The following TRHDE variants were observed in gnomAD, a reference collection of about 807,000 sequenced individuals.
TRHDE encodes thyrotropin-releasing hormone-degrading ectoenzyme.
A neutral mutation model predicts 125.7 loss-of-function variants in TRHDE; 72 were observed. That is an observed-to-expected ratio of 0.57 (90% CI 0.47 to 0.70). TRHDE has a LOEUF of 0.70. TRHDE is among the 30% of genes least tolerant of loss of function. The pLI is 0.00. For synonymous variants in TRHDE, 509 were observed against 509.1 expected (o/e 1.00, Z 0.00); for missense variants, 1,110 against 1,327.1 (o/e 0.84, Z 2.54).
intron 2 of TRHDE, among the ~76,000 whole-genome samples, chr12:72,226,978 C>G (rs938212801): frequency 3.9e-5 from 6 of 152,098 alleles, no homozygotes; most frequent in South Asian, 2.1e-4. Flanking sequence ...AATAAAGCAC[C>G]CTTAGTTGCC....
At chr12:72,169,230 A>G (rs1450698026) in intron 2 of TRHDE, among the ~76,000 whole-genome samples, 1 of 152,136 alleles carries the variant, frequency 6.6e-6, no homozygotes, top group Non-Finnish European at 1.5e-5. Context: ...ACACAGAATA[A>G]TATGGGAAGC....
intron 3 of TRHDE, among the ~76,000 whole-genome samples, chr12:72,431,101 G>C (rs1303201495): frequency 1.3e-5 from 2 of 151,888 alleles, no homozygotes; most frequent in Non-Finnish European, 2.9e-5. Context: ...TTTGCATATT[G>C]AACTTATAGC....
At chr12:72,614,330 AT>A (rs1555202261) in intron 12 of TRHDE, among the ~76,000 whole-genome samples, 111 of 129,842 alleles carry the variant, frequency 8.5e-4, no homozygotes, top group African/African-American at 3.3e-3. Flanking sequence ...ATATATATAT[AT>A]TTTTTTTTTC....
chr12:72,214,419 G>A (rs1400849419), intron 2 of TRHDE, among the ~76,000 whole-genome samples: 2 of 152,164 alleles, frequency 1.3e-5, no homozygotes, highest in African/African-American at 4.8e-5. Context: ...TGAAAATTAA[G>A]TTACTGGCTG....
chr12:72,412,262 T>C (rs1468049782), intron 3 of TRHDE, among the ~76,000 whole-genome samples: 1 of 152,042 alleles, frequency 6.6e-6, no homozygotes, highest in Non-Finnish European at 1.5e-5. Flanking sequence ...TATAAAGACA[T>C]ACAAATCAGT....
At chr12:72,584,134 G>T (rs1254532541) in intron 12 of TRHDE, among the ~76,000 whole-genome samples, 1 of 151,876 alleles carries the variant, frequency 6.6e-6, no homozygotes, top group Non-Finnish European at 1.5e-5. Context: ...AAGCAAATTT[G>T]TAACCTTCCA....
chr12:72,207,465 A>T (rs889387098), intron 2 of TRHDE, among the ~76,000 whole-genome samples: 7 of 152,194 alleles, frequency 4.6e-5, no homozygotes, highest in Non-Finnish European at 7.3e-5. Flanking sequence ...AGCACAAAAA[A>T]ATTGCACAAT....
At chr12:72,453,050 A>G (rs1320607551) in intron 3 of TRHDE, among the ~76,000 whole-genome samples, 1 of 152,228 alleles carries the variant, frequency 6.6e-6, no homozygotes, top group African/African-American at 2.4e-5. Flanking sequence ...ACAGACAAAT[A>G]TGGAAACAGC....
chr12:72,159,751 T>G (rs921496285), intron 2 of TRHDE, among the ~76,000 whole-genome samples: 1 of 152,218 alleles, frequency 6.6e-6, no homozygotes, highest in Non-Finnish European at 1.5e-5. Flanking sequence ...TTCTGTATGA[T>G]TTACTCAAGT....
intron 2 of TRHDE, among the ~76,000 whole-genome samples, chr12:72,355,167 G>A (rs531194825): frequency 5.9e-5 from 9 of 151,392 alleles, no homozygotes; most frequent in Non-Finnish European, 1.3e-4. Context: ...CCAAGTATTC[G>A]TTATGAAAAA....
intron 2 of TRHDE, among the ~76,000 whole-genome samples, chr12:72,110,526 T>G (rs1875292536): frequency 6.6e-6 from 1 of 152,134 alleles, no homozygotes. Flanking sequence ...TGTTGTGAAT[T>G]TCTTTGTTAT....
chr12:72,652,379 G>T lies in TRHDE; in HGVS notation c.2733G>T (p.Glu911Asp). 6.2e-7 allele frequency: 1 copy of T among 1,606,386 alleles called. No homozygotes were observed. Among genetic ancestry groups the T allele is most frequent in the Non-Finnish European group, 8.5e-7 (1 of 1,175,980 alleles). ...VYCTGVSLLDEDVWEFIWMKF... is the reference protein window; with the variant it reads ...VYCTGVSLLDDDVWEFIWMKF... ...GTACAGGAGTGTCACTACTGGATGA[G>T]GATGTCTGGGAATTCATATGGATGA... The change falls in exon 16 of 19, where the codon GAG becomes GAT. Residue 911 changes from glutamate to aspartate, a missense_variant. Glu to Asp is a conservative substitution (Grantham distance 45, BLOSUM62 2). This residue lies in a region of TRHDE where 527 missense variants were observed against 651.8 expected (regional missense o/e 0.81). Transcript: ENST00000261180.
chr12:72,443,220 G>A (rs966549929), intron 3 of TRHDE, among the ~76,000 whole-genome samples: 4 of 149,992 alleles, frequency 2.7e-5, no homozygotes, highest in African/African-American at 1.0e-4. Flanking sequence ...GTGTGTGTGT[G>A]TGTGTGTGTG....
chr12:72,506,840 C>T (rs1269677667), intron 6 of TRHDE, among the ~76,000 whole-genome samples: 2 of 152,106 alleles, frequency 1.3e-5, no homozygotes, highest in Non-Finnish European at 2.9e-5. Flanking sequence ...CTGTTGCCAC[C>T]AGATAAGGTT....
chr12:72,353,554 C>T (rs1214416586), intron 2 of TRHDE, among the ~76,000 whole-genome samples: 5 of 151,338 alleles, frequency 3.3e-5, no homozygotes, highest in Non-Finnish European at 7.4e-5. Flanking sequence ...TCCTACTTTA[C>T]AAAGGAGGTA....
chr12:72,380,812 TTCCTTATTCCC>T, intron 3 of TRHDE, among the ~76,000 whole-genome samples: 1 of 144,700 alleles, frequency 6.9e-6, no homozygotes, highest in South Asian at 2.2e-4. Flanking sequence ...CCTTCCTTCC[TTCCTTATTCCC>T]TCCCTCTCTC....
At chr12:72,248,015 ATGTATGTG>A (rs936465521) in intron 2 of TRHDE, among the ~76,000 whole-genome samples, 20 of 152,224 alleles carry the variant, frequency 1.3e-4, no homozygotes, top group African/African-American at 4.1e-4. Flanking sequence ...GTATGTATGC[ATGTATGTG>A]TGTATGTGTA....
At chr12:72,561,049 A>C (rs1000960264) in intron 7 of TRHDE, among the ~76,000 whole-genome samples, 3 of 152,232 alleles carry the variant, frequency 2.0e-5, no homozygotes, top group African/African-American at 7.2e-5. Flanking sequence ...TTTTTAACAA[A>C]GTTATTCATA....
chr12:72,253,094 A>G (rs1049567302), intron 2 of TRHDE, among the ~76,000 whole-genome samples: 4 of 152,028 alleles, frequency 2.6e-5, no homozygotes, highest in African/African-American at 9.7e-5. Flanking sequence ...ATGATGAAAA[A>G]TTGGGTTTAG....
Sources: allele counts gnomAD v4.1 joint callset (sites outside exome capture counted in the v4.1 genomes callset), GRCh38; gene constraint gnomAD v4.1.1; regional missense constraint gnomAD v4.1.1; transcripts MANE v1.5; gene names NCBI Gene and HGNC (gene_info 2026-07-23, HGNC 2026-07-21).